Variants in NKAIN3 observed in about 807,000 individuals in gnomAD.
NKAIN3 encodes sodium/potassium transporting ATPase interacting 3.
Under a neutral mutation model 30.2 loss-of-function variants are expected in NKAIN3, and 25 were observed. That is an observed-to-expected ratio of 0.83 (90% CI 0.60 to 1.16). The LOEUF (loss-of-function observed/expected upper bound fraction) is 1.16. NKAIN3 is among the 50% of genes most tolerant of loss of function. NKAIN3 has a pLI of 0.00. For missense variants in NKAIN3, 225 were observed against 254.1 expected (o/e 0.89, Z 0.78); for synonymous variants, 91 against 89.6 (o/e 1.02, Z -0.09).
intron 3 of NKAIN3, among the ~76,000 whole-genome samples, chr8:62,740,261 A>G (rs537428202): frequency 6.6e-6 from 1 of 152,178 alleles, no homozygotes; most frequent in Non-Finnish European, 1.5e-5. Flanking sequence ...GAATTCTACT[A>G]TATAAATATA....
At chr8:62,608,987 A>G (rs1811206997) in intron 3 of NKAIN3, among the ~76,000 whole-genome samples, 1 of 152,188 alleles carries the variant, frequency 6.6e-6, no homozygotes, top group Non-Finnish European at 1.5e-5. Flanking sequence ...GCAGCATAAC[A>G]GAATGTTTTC....
At chr8:62,449,136 A>G (rs1313143665) in intron 1 of NKAIN3, among the ~76,000 whole-genome samples, 1 of 152,038 alleles carries the variant, frequency 6.6e-6, no homozygotes, top group Non-Finnish European at 1.5e-5. Context: ...AGTATTAGAC[A>G]GCTTCATTGA....
At chr8:62,542,174 T>C (rs1436461649) in intron 1 of NKAIN3, among the ~76,000 whole-genome samples, 1 of 152,176 alleles carries the variant, frequency 6.6e-6, no homozygotes, top group Non-Finnish European at 1.5e-5. Flanking sequence ...AGTGGCAGTT[T>C]TTAATACTAA....
At chr8:62,429,107 C>A (rs1804911443) in intron 1 of NKAIN3, among the ~76,000 whole-genome samples, 1 of 151,680 alleles carries the variant, frequency 6.6e-6, no homozygotes, top group Non-Finnish European at 1.5e-5. Flanking sequence ...ATTGTATGTT[C>A]TTGGTTACTT....
intron 1 of NKAIN3, among the ~76,000 whole-genome samples, chr8:62,346,422 G>A (rs1247672093): frequency 6.6e-6 from 1 of 151,988 alleles, no homozygotes; most frequent in African/African-American, 2.4e-5. Context: ...TACCATATTA[G>A]CCAATAAATT....
chr8:62,959,724 C>T (rs1585623782), intron 6 of NKAIN3, among the ~76,000 whole-genome samples: 2 of 152,298 alleles, frequency 1.3e-5, no homozygotes, highest in East Asian at 3.9e-4. Flanking sequence ...CTGTGATCCG[C>T]TCCTATCAGT....
At chr8:62,940,152 A>T (rs1822909925) in intron 5 of NKAIN3, among the ~76,000 whole-genome samples, 1 of 148,004 alleles carries the variant, frequency 6.8e-6, no homozygotes, top group Non-Finnish European at 1.5e-5. Flanking sequence ...ACAACAGTTA[A>T]AAAAAAAAAA....
At chr8:62,657,294 G>A (rs1207288920) in intron 3 of NKAIN3, among the ~76,000 whole-genome samples, 1 of 152,038 alleles carries the variant, frequency 6.6e-6, no homozygotes. Context: ...AAATAATGTA[G>A]CATTACTAAT....
intron 3 of NKAIN3, among the ~76,000 whole-genome samples, chr8:62,609,348 G>A (rs1234667542): frequency 1.3e-5 from 2 of 152,130 alleles, no homozygotes; most frequent in African/African-American, 2.4e-5. Context: ...TGTGCTGAAG[G>A]CATTGTACTT....
Position 62,785,983 on chromosome 8 carries a change from C to T in NKAIN3, c.471+38854C>T, listed in dbSNP as rs142800548. On this transcript the variant is annotated intron_variant, in intron 4 of 6. Transcript: ENST00000623646. Reference sequence around the variant, plus strand: ...GACAGCCAGGTGTTCTCCATGGGGCCGGTACGGAAATAAGTGTCAGAGAGC... The same window carrying T: ...GACAGCCAGGTGTTCTCCATGGGGCTGGTACGGAAATAAGTGTCAGAGAGC... Among the ~76,000 whole-genome samples, 10 of 152,182 alleles carry T rather than the reference C, an allele frequency of 6.6e-5. No individual in the cohort carries two copies. The East Asian group carries it at 7.8e-4, about 12-fold the overall frequency.
At chr8:62,659,566 C>A (rs1812875324) in intron 3 of NKAIN3, among the ~76,000 whole-genome samples, 1 of 152,174 alleles carries the variant, frequency 6.6e-6, no homozygotes, top group Non-Finnish European at 1.5e-5. Flanking sequence ...CAGAGGTGCT[C>A]CAGCATGGTC....
At position 62,293,745 on chromosome 8, in the gene NKAIN3, G is replaced by A. The variant is rs1563922594; in HGVS notation, c.54+44618G>A. On this transcript the variant is annotated intron_variant, in intron 1 of 6. Transcript: ENST00000623646. ...GATCTCAAACTCCGTGCTTGGAGAAGCACTACTCTCTTCAAAGCTGTCAGA... is the reference window on the plus strand; with the variant it reads ...GATCTCAAACTCCGTGCTTGGAGAAACACTACTCTCTTCAAAGCTGTCAGA... Among the ~76,000 whole-genome samples the A allele has an allele frequency of 2.0e-5, 3 of 152,124 alleles. No homozygotes were observed. The South Asian group carries it at 6.2e-4, about 32-fold the overall frequency.
rs34421488 is a variant in NKAIN3 at position 62,878,040 on chromosome 8, C to CAAAA, written c.472-40399_472-40396dup. ...GGGCAACAAGAATGAAACTCCATCTCAAAAAAAAAAAAAAAAAGACACAAA... is the reference window on the plus strand; with the variant it reads ...GGGCAACAAGAATGAAACTCCATCTCAAAAAAAAAAAAAAAAAAAAAGACACAAA... On this transcript the variant is annotated intron_variant, in intron 4 of 6. Coordinates refer to ENST00000623646, the MANE Select transcript of NKAIN3 (RefSeq NM_001304533.3). 1.3e-3 allele frequency among the ~76,000 whole-genome samples: 147 copies of CAAAA among 113,688 alleles called. 2 individuals are homozygous for CAAAA. Among genetic ancestry groups the CAAAA allele is most frequent in the African/African-American group, 4.4e-3 (129 of 29,430 alleles). 74.6% of individuals were successfully genotyped at this position (113,688 alleles called of 152,430 possible). A position where few individuals can be genotyped will look rare whatever the true frequency, so the allele number is the denominator to read the frequency against.
intron 4 of NKAIN3, among the ~76,000 whole-genome samples, chr8:62,916,560 A>C (rs1437056616): frequency 6.6e-6 from 1 of 151,972 alleles, no homozygotes; most frequent in Non-Finnish European, 1.5e-5. Flanking sequence ...GTTCAGTCTC[A>C]CCCTTTGGAT....
intron 5 of NKAIN3, among the ~76,000 whole-genome samples, chr8:62,934,277 CT>C (rs1822715115): frequency 6.6e-6 from 1 of 151,182 alleles, no homozygotes; most frequent in African/African-American, 2.5e-5. Context: ...GCTTGGAAGG[CT>C]GAGGTGGGAG....
At chr8:62,309,562 G>T (rs1302689136) in intron 1 of NKAIN3, among the ~76,000 whole-genome samples, 1 of 150,174 alleles carries the variant, frequency 6.7e-6, no homozygotes, top group Non-Finnish European at 1.5e-5. Context: ...TAATAGACTT[G>T]GTTGCAACAT....
chr8:62,354,643 A>G (rs770212933), intron 1 of NKAIN3, among the ~76,000 whole-genome samples: 1 of 152,084 alleles, frequency 6.6e-6, no homozygotes, highest in Non-Finnish European at 1.5e-5. Context: ...GGGTTTCACC[A>G]TGTTGGCCAG....
chr8:62,994,836 C>G (rs1804069806), intron 5 of NKAIN3, among the ~76,000 whole-genome samples: 1 of 152,146 alleles, frequency 6.6e-6, no homozygotes, highest in African/African-American at 2.4e-5. Context: ...GAAAATCAGA[C>G]TCTGCTTTCT....
chr8:62,800,380 CTGGAGTAAGA>C (rs1183002706), intron 4 of NKAIN3, among the ~76,000 whole-genome samples: 4 of 152,148 alleles, frequency 2.6e-5, no homozygotes, highest in African/African-American at 9.7e-5. Flanking sequence ...TTCTAGGACT[CTGGAGTAAGA>C]CCAAAGACCA....
Sources: gnomAD v4.1 joint callset for allele counts (sites outside exome capture counted in the v4.1 genomes callset) on GRCh38, gnomAD v4.1.1 for gene constraint, MANE v1.5 for transcripts, NCBI Gene and HGNC (gene_info 2026-07-23, HGNC 2026-07-21) for gene names.